The following PIAS1 variants were observed in gnomAD, a reference collection of about 807,000 sequenced individuals.
The protein encoded by PIAS1 is protein inhibitor of activated STAT 1.
In PIAS1, 6 loss-of-function variants were observed where a neutral mutation model predicts 71.3. The ratio of observed to expected loss-of-function variants is 0.08; its 90% confidence interval spans 0.05 to 0.17. PIAS1 has a LOEUF of 0.17. Ranked by LOEUF, PIAS1 falls within the 10% of genes least tolerant of loss-of-function variation. The pLI is 1.00. For synonymous variants in PIAS1, 303 were observed against 292.9 expected (o/e 1.03, Z -0.35); for missense variants, 555 against 793.6 (o/e 0.70, Z 3.61).
intron 2 of PIAS1, among the ~76,000 whole-genome samples, chr15:68,111,516 A>G (rs868456184): frequency 6.6e-6 from 1 of 152,200 alleles, no homozygotes; most frequent in African/African-American, 2.4e-5. Context: ...TGGATGTTAA[A>G]TTGTTCAGGA....
rs75492678 is a variant in PIAS1 at position 68,112,432 on chromosome 15, G to C, written c.469+25682G>C. Among the ~76,000 whole-genome samples the C allele has an allele frequency of 6.1e-3, 931 of 152,036 alleles. 4 individuals are homozygous for C. Among genetic ancestry groups the C allele is most frequent in the East Asian group, 0.033 (168 of 5,160 alleles). ...TGATTTCTTTCCTCCTTTCTCTCAT[G>C]AACCCTTTCCAGGTAGGTTTTTGAC... On this transcript the variant is annotated intron_variant, in intron 2 of 13. Coordinates refer to ENST00000249636, the MANE Select transcript of PIAS1 (RefSeq NM_016166.3).
intron 11 of PIAS1, among the ~76,000 whole-genome samples, chr15:68,177,277 T>TAAAAAAA (rs2093025921): frequency 4.2e-5 from 1 of 23,988 alleles, no homozygotes; most frequent in African/African-American, 1.0e-4. Context: ...AGACTTTGTC[T>TAAAAAAA]CAAAAAAAAA....
chr15:68,181,732 G>C, intron 12 of PIAS1: 1 of 170,746 alleles, frequency 5.9e-6, no homozygotes, highest in Non-Finnish European at 1.3e-5. Context: ...CTGGAGTGCG[G>C]TGGCACGATC....
intron 2 of PIAS1, among the ~76,000 whole-genome samples, chr15:68,108,208 C>A (rs1342484425): frequency 6.6e-6 from 1 of 152,152 alleles, no homozygotes. Flanking sequence ...CAGTTCCTTA[C>A]CTTTCATTCT....
chr15:68,108,322 C>T (rs1256125087), intron 2 of PIAS1, among the ~76,000 whole-genome samples: 1 of 152,082 alleles, frequency 6.6e-6, no homozygotes, highest in Non-Finnish European at 1.5e-5. Flanking sequence ...TTCTCAGTCT[C>T]CAGGTTCCTT....
chr15:68,054,365 G>T lies in PIAS1; in HGVS notation c.24+15G>T. The T allele has an allele frequency of 6.4e-7, 1 of 1,569,788 alleles. No homozygotes were observed. ...CGGAACTAAAGGTAAAGCGCAGCTC[G>T]AATTCACTTCTAATATTCGGCCGCG... On this transcript the variant is annotated intron_variant, in intron 1 of 13. Coordinates refer to ENST00000249636, the MANE Select transcript of PIAS1 (RefSeq NM_016166.3). The surrounding 1 kb of genome is among the most constrained non-coding windows in gnomAD (Gnocchi z 4.6).
rs1738385509 is a variant in PIAS1 at position 68,189,731 on chromosome 15, A to C, written c.*1896A>C. ...CCTACGCATGTGTATTCCACACACA[A>C]ATGGCTGAGTTATAGTCATAAAACA... On this transcript the variant is annotated 3_prime_UTR_variant, in exon 14 of 14. Transcript: ENST00000249636. The C allele has an allele frequency of 6.6e-6, 1 of 152,188 alleles. No homozygotes were observed. The highest frequency in any genetic ancestry group is 1.5e-5 in the Non-Finnish European group (1 of 68,030). The allele number at this position is 152,188 out of a possible 1,614,324, so 9.4% of individuals were successfully genotyped here.
At chr15:68,109,217 ATCT>A (rs1368883476) in intron 2 of PIAS1, among the ~76,000 whole-genome samples, 1 of 152,130 alleles carries the variant, frequency 6.6e-6, no homozygotes, top group East Asian at 1.9e-4. Flanking sequence ...CATCTCCTTC[ATCT>A]TCTTCTAGTC....
chr15:68,146,722 C>A, intron 6 of PIAS1, 22 bp downstream of exon 6: 1 of 1,592,190 alleles, frequency 6.3e-7, no homozygotes, highest in Non-Finnish European at 8.6e-7. Flanking sequence ...TTTGTTTCTA[C>A]CAGATTTTTG....
intron 6 of PIAS1, among the ~76,000 whole-genome samples, chr15:68,148,669 C>T (rs2092825080): frequency 6.6e-6 from 1 of 152,206 alleles, no homozygotes; most frequent in Non-Finnish European, 1.5e-5. Flanking sequence ...CCTTGTGATC[C>T]ACCTGCCGTG....
At chr15:68,102,707 T>G (rs759004929) in intron 2 of PIAS1, among the ~76,000 whole-genome samples, 82 of 152,304 alleles carry the variant, frequency 5.4e-4, no homozygotes, top group Middle Eastern at 3.4e-3. Context: ...TCTGAGTGAT[T>G]ATATCTTGTG....
intron 2 of PIAS1, among the ~76,000 whole-genome samples, chr15:68,129,831 ACACACT>A (rs1164136129): frequency 7.5e-6 from 1 of 134,156 alleles, no homozygotes; most frequent in Admixed American, 7.7e-5. Flanking sequence ...ACACACACAC[ACACACT>A]CTTACATAGA....
At chr15:68,094,198 A>G (rs1223058078) in intron 2 of PIAS1, among the ~76,000 whole-genome samples, 3 of 151,640 alleles carry the variant, frequency 2.0e-5, no homozygotes, top group Non-Finnish European at 4.4e-5. Context: ...GACATGGGAT[A>G]GTATACCAAT....
intron 8 of PIAS1, among the ~76,000 whole-genome samples, chr15:68,172,450 G>A (rs1445620990): frequency 6.6e-6 from 1 of 152,028 alleles, no homozygotes; most frequent in African/African-American, 2.4e-5. Flanking sequence ...GGGATTGCTG[G>A]GTCAAATGGT....
At chr15:68,162,662 C>T (rs1266097160) in intron 7 of PIAS1, among the ~76,000 whole-genome samples, 5 of 152,212 alleles carry the variant, frequency 3.3e-5, no homozygotes, top group African/African-American at 1.2e-4. Flanking sequence ...AACTCTCAAT[C>T]TAAGGCCAAA....
intron 2 of PIAS1, among the ~76,000 whole-genome samples, chr15:68,114,644 A>G (rs1395564436): frequency 6.6e-6 from 1 of 152,074 alleles, no homozygotes; most frequent in Admixed American, 6.6e-5. Flanking sequence ...TGGAATAGCA[A>G]ATATTTTTAG....
chr15:68,136,682 A>G (rs2092736006), intron 2 of PIAS1, among the ~76,000 whole-genome samples: 2 of 152,190 alleles, frequency 1.3e-5, no homozygotes, highest in Non-Finnish European at 2.9e-5. Context: ...TTGTGTATTT[A>G]TTGAATTTAT....
rs1481783974 is a variant in PIAS1, at chr15:68,175,747, C to T, written c.1280C>T (p.Ala427Val). Residue 427 changes from alanine to valine, a missense_variant, in exon 10 of 14, where the codon GCC (alanine) becomes GTC (valine). Physicochemically the swap from Ala to Val is moderately conservative, Grantham distance 64. This residue lies in a region of PIAS1 where 244 missense variants were observed against 307.5 expected (regional missense o/e 0.79). Coordinates refer to ENST00000249636, the MANE Select transcript of PIAS1 (RefSeq NM_016166.3). ...RSKKEVQEVSASYNGVDGCLS... is the reference protein window; with the variant it reads ...RSKKEVQEVSVSYNGVDGCLS... ...AAAAAGGAAGTACAGGAAGTTTCTG[C>T]CTCTTACAATGGAGTCGATGGTGAG... 1 of 1,606,080 alleles carries T rather than the reference C, an allele frequency of 6.2e-7. No homozygotes were observed. The highest frequency in any genetic ancestry group is 1.3e-5 in the African/African-American group (1 of 74,842).
chr15:68,144,539 G>A (rs924112865), intron 4 of PIAS1, among the ~76,000 whole-genome samples: 1 of 152,038 alleles, frequency 6.6e-6, no homozygotes, highest in Non-Finnish European at 1.5e-5. Flanking sequence ...TATAGGAAAG[G>A]GTTCAGGCAG....
Sources: gnomAD v4.1 joint callset for allele counts (sites outside exome capture counted in the v4.1 genomes callset) on GRCh38, gnomAD v4.1.1 for gene constraint, gnomAD v4.1.1 regional missense constraint, Gnocchi (gnomAD v3.1) non-coding constraint, MANE v1.5 for transcripts, NCBI Gene and HGNC (gene_info 2026-07-23, HGNC 2026-07-21) for gene names.